The following LRRN1 variants were observed in gnomAD, a reference collection of about 807,000 sequenced individuals.
The protein encoded by LRRN1 is leucine-rich repeat neuronal protein 1.
LRRN1 carries 14 observed loss-of-function variants against 45.8 expected under a neutral mutation model. The ratio of observed to expected loss-of-function variants is 0.31; its 90% CI spans 0.20 to 0.48. The LOEUF (loss-of-function observed/expected upper bound fraction) is 0.48. Ranked by LOEUF, LRRN1 falls within the 20% of genes least tolerant of loss-of-function variation. LRRN1 has a pLI of 0.99. For missense variants in LRRN1, 789 were observed against 874.2 expected (o/e 0.90, Z 1.23); for synonymous variants, 359 against 330.1 (o/e 1.09, Z -0.95).
intron 1 of LRRN1, among the ~76,000 whole-genome samples, chr3:3,842,097 C>T (rs1185439040): frequency 6.6e-6 from 1 of 152,058 alleles, no homozygotes; most frequent in Non-Finnish European, 1.5e-5. Flanking sequence ...AGTCAATGGG[C>T]AATTGTAACA....
chr3:3,813,258 C>G (rs1692918332), intron 1 of LRRN1, among the ~76,000 whole-genome samples: 1 of 152,154 alleles, frequency 6.6e-6, no homozygotes. Flanking sequence ...GACCATAACA[C>G]TTAGTTGTTA....
chr3:3,827,374 C>T, intron 1 of LRRN1: 1 of 454,000 alleles, frequency 2.2e-6, no homozygotes, highest in South Asian at 1.6e-5. Flanking sequence ...GGGCCTGTAG[C>T]TGAAGGCAGA....
chr3:3,807,562 C>G (rs1164060641), intron 1 of LRRN1, among the ~76,000 whole-genome samples: 15 of 152,112 alleles, frequency 9.9e-5, no homozygotes, highest in Admixed American at 9.8e-4. Context: ...AGAACCTTCC[C>G]TCAAGGTCTT....
Position 3,834,535 on chromosome 3 carries a change from T to C in LRRN1, c.-278-9829T>C, listed in dbSNP as rs1276662308. Among the ~76,000 whole-genome samples, 9 of 108,730 alleles carry C rather than the reference T, an allele frequency of 8.3e-5. 1 individual carries two copies. The highest frequency in any genetic ancestry group is 2.7e-4 in the East Asian group (1 of 3,720). 71.3% of individuals were successfully genotyped at this position (108,730 alleles called of 152,430 possible). A position where few individuals can be genotyped will look rare whatever the true frequency, so the allele number is the denominator to read the frequency against. ...AGAGGGACAGAACAGGATATATATA[T>C]ATATATATATATATATATGATATAT... On this transcript the variant is annotated intron_variant, in intron 1 of 1. Coordinates refer to ENST00000319331, the MANE Select transcript of LRRN1 (RefSeq NM_020873.7).
intron 1 of LRRN1, chr3:3,800,863 C>T (rs934548926): frequency 4.5e-4 from 69 of 152,436 alleles, no homozygotes; most frequent in Admixed American, 3.9e-4. Context: ...CCGGCTCGGC[C>T]CGGGTCAGAA....
intron 1 of LRRN1, among the ~76,000 whole-genome samples, chr3:3,819,554 G>A (rs758115556): frequency 6.6e-6 from 1 of 152,104 alleles, no homozygotes; most frequent in Non-Finnish European, 1.5e-5. Flanking sequence ...TCCAGTCTCT[G>A]CCTTCATTGT....
chr3:3,820,149 T>C (rs1474111978), intron 1 of LRRN1, among the ~76,000 whole-genome samples: 3 of 152,222 alleles, frequency 2.0e-5, no homozygotes, highest in Non-Finnish European at 4.4e-5. Flanking sequence ...TTTGCCCTGC[T>C]AGTTTTTAGA....
chr3:3,827,558 A>C (rs1693251474), intron 1 of LRRN1: 1 of 455,140 alleles, frequency 2.2e-6, no homozygotes. Context: ...CCATTTCCCC[A>C]TTATTCAAGC....
At chr3:3,817,037 G>A (rs1054453057) in intron 1 of LRRN1, among the ~76,000 whole-genome samples, 5 of 152,152 alleles carry the variant, frequency 3.3e-5, no homozygotes, top group Non-Finnish European at 5.9e-5. Context: ...TATGGAGGCC[G>A]AGAAGCCCCA....
chr3:3,821,615 T>C (rs1693107356), intron 1 of LRRN1, among the ~76,000 whole-genome samples: 1 of 152,164 alleles, frequency 6.6e-6, no homozygotes, highest in Admixed American at 6.5e-5. Context: ...ACCATTTTAT[T>C]GGATCTCTTT....
At chr3:3,843,246 T>G (rs1288952741) in intron 1 of LRRN1, among the ~76,000 whole-genome samples, 1 of 152,194 alleles carries the variant, frequency 6.6e-6, no homozygotes, top group Non-Finnish European at 1.5e-5. Flanking sequence ...TCAACAGTTA[T>G]TAAGCAGTGA....
chr3:3,839,731 C>A lies in LRRN1; in HGVS notation c.-278-4633C>A, dbSNP rs561919079. ...TCGATTCATTCCTAAGCATTGTATT[C>A]TTTCTGATACTTTTGTAAATGGGGT... On this transcript the variant is annotated intron_variant, in intron 1 of 1. Coordinates refer to ENST00000319331, the MANE Select transcript of LRRN1 (RefSeq NM_020873.7). Among the ~76,000 whole-genome samples, 8 of 152,136 alleles carry A rather than the reference C, an allele frequency of 5.3e-5. No individual in the cohort carries two copies. The South Asian group carries it at 1.7e-3, about 32-fold the overall frequency.
chr3:3,808,907 C>T (rs1014314857), intron 1 of LRRN1, among the ~76,000 whole-genome samples: 3 of 151,916 alleles, frequency 2.0e-5, no homozygotes, highest in South Asian at 2.1e-4. Flanking sequence ...TATTTATAAA[C>T]CCTCTTTAAA....
intron 1 of LRRN1, chr3:3,822,724 T>C (rs1693129938): frequency 1.3e-5 from 2 of 152,196 alleles, no homozygotes; most frequent in South Asian, 2.1e-4. Context: ...TGTGTGACTT[T>C]TTTTCTTACC....
rs1384885396 is a variant in LRRN1 at position 3,845,431 on chromosome 3, A to C, written c.790A>C (p.Asn264His). Residue 264 changes from asparagine to histidine, a missense_variant, in exon 2 of 2, where the codon AAT (asparagine) becomes CAT (histidine). Transcript: ENST00000319331. This position sits in a 1 kb window ranked among gnomAD's most constrained non-coding sequence, Gnocchi z 6.5. Reference protein sequence around the residue: ...VPQLALQKVPNLKFLDLNKNP... With the variant: ...VPQLALQKVPHLKFLDLNKNP... ...TCAACTTGCCCTGCAAAAAGTTCCAAATTTGAAATTCTTAGACCTCAACAA... is the reference window on the plus strand; with the variant it reads ...TCAACTTGCCCTGCAAAAAGTTCCACATTTGAAATTCTTAGACCTCAACAA... 1 of 1,613,990 alleles carries C rather than the reference A, an allele frequency of 6.2e-7. No homozygotes were observed. Among genetic ancestry groups the C allele is most frequent in the African/African-American group, 1.3e-5 (1 of 74,890 alleles).
At chr3:3,813,224 T>C (rs540975344) in intron 1 of LRRN1, among the ~76,000 whole-genome samples, 20 of 152,344 alleles carry the variant, frequency 1.3e-4, no homozygotes, top group African/African-American at 4.6e-4. Flanking sequence ...AAGCTTTAGA[T>C]GGTAATTTCG....
At chr3:3,837,046 T>A (rs944216015) in intron 1 of LRRN1, among the ~76,000 whole-genome samples, 1 of 152,140 alleles carries the variant, frequency 6.6e-6, no homozygotes, top group Non-Finnish European at 1.5e-5. Flanking sequence ...AACATCCGCC[T>A]TGAGAAGATG....
At chr3:3,815,961 A>C (rs1208040501) in intron 1 of LRRN1, among the ~76,000 whole-genome samples, 1 of 152,162 alleles carries the variant, frequency 6.6e-6, no homozygotes. Context: ...CTATATTGAA[A>C]GTTCAAAATG....
intron 1 of LRRN1, among the ~76,000 whole-genome samples, chr3:3,824,008 G>T (rs1229437862): frequency 6.6e-6 from 1 of 152,140 alleles, no homozygotes; most frequent in East Asian, 1.9e-4. Context: ...AAGGACTCAG[G>T]TCCCCTAACT....
Sources: gnomAD v4.1 joint callset for allele counts (sites outside exome capture counted in the v4.1 genomes callset) on GRCh38, gnomAD v4.1.1 for gene constraint, Gnocchi (gnomAD v3.1) non-coding constraint, MANE v1.5 for transcripts, NCBI Gene and HGNC (gene_info 2026-07-23, HGNC 2026-07-21) for gene names.